Variants in CCDC172 observed in about 807,000 individuals in gnomAD.
The protein encoded by CCDC172 is coiled-coil domain-containing protein 172.
In CCDC172, 30 loss-of-function variants were observed where a neutral mutation model predicts 38.0. The ratio of observed to expected loss-of-function variants is 0.79; its 90% CI spans 0.59 to 1.07. The LOEUF is 1.07. Ranked by LOEUF, CCDC172 falls within the 50% of genes least tolerant of loss-of-function variation. CCDC172 has a pLI of 0.00. For synonymous variants in CCDC172, 78 were observed against 88.3 expected (o/e 0.88, Z 0.66); for missense variants, 297 against 290.1 (o/e 1.02, Z -0.17).
chr10:116,363,355 G>A (rs561273046), intron 7 of CCDC172, among the ~76,000 whole-genome samples: 1 of 152,170 alleles, frequency 6.6e-6, no homozygotes, highest in Non-Finnish European at 1.5e-5. Flanking sequence ...TGGACTGAAG[G>A]AAAGCAGAAT....
At chr10:116,331,875 T>C (rs1435129011) in intron 3 of CCDC172, among the ~76,000 whole-genome samples, 1 of 152,164 alleles carries the variant, frequency 6.6e-6, no homozygotes, top group Non-Finnish European at 1.5e-5. Flanking sequence ...GCTCAAGATT[T>C]CTGCACTGTA....
intron 7 of CCDC172, among the ~76,000 whole-genome samples, chr10:116,370,668 G>T (rs1308578390): frequency 1.3e-5 from 2 of 150,222 alleles, no homozygotes; most frequent in Non-Finnish European, 3.0e-5. Flanking sequence ...TCTTTCTCAG[G>T]GCTTTCCTAA....
At chr10:116,357,629 C>T (rs948658928) in intron 6 of CCDC172, 148 bp downstream of exon 6, 15 of 824,284 alleles carry the variant, frequency 1.8e-5, no homozygotes, top group East Asian at 3.1e-5. Context: ...CACTAATCAA[C>T]GTGAGATCTG....
At chr10:116,349,385 G>T (rs1159529720) in intron 5 of CCDC172, among the ~76,000 whole-genome samples, 2 of 152,164 alleles carry the variant, frequency 1.3e-5, no homozygotes, top group African/African-American at 2.4e-5. Context: ...GCCAAAAAAG[G>T]TTGGGGACTG....
At chr10:116,371,196 T>C (rs1845182273) in intron 7 of CCDC172, among the ~76,000 whole-genome samples, 4 of 151,842 alleles carry the variant, frequency 2.6e-5, no homozygotes, top group Admixed American at 2.6e-4. Flanking sequence ...ATTTTTTTTA[T>C]TGGGTAAAAA....
Position 116,342,126 on chromosome 10 carries a change from AG to A in CCDC172, c.374del (p.Arg125LysfsTer4), listed in dbSNP as rs763255969. 6.4e-7 allele frequency: 1 copy of A among 1,552,264 alleles called. No individual in the cohort carries two copies. Among genetic ancestry groups the A allele is most frequent in the Non-Finnish European group, 8.6e-7 (1 of 1,159,224 alleles). On this transcript the variant is annotated frameshift_variant, in exon 5 of 9. Coordinates refer to ENST00000333254, the MANE Select transcript of CCDC172 (RefSeq NM_198515.3). LOFTEE classifies it high-confidence loss of function. ...FNNDYEITKK[R>X]ELLMKENVKI... Reference sequence around the variant, plus strand: ...TAATGATTATGAAATAACAAAGAAAAGAGAGCTTTTGATGAAAGAAAATGTC... The same window carrying A: ...TAATGATTATGAAATAACAAAGAAAAAGAGCTTTTGATGAAAGAAAATGTC...
intron 3 of CCDC172, among the ~76,000 whole-genome samples, chr10:116,333,537 G>A (rs1226549508): frequency 6.6e-6 from 1 of 152,154 alleles, no homozygotes; most frequent in Non-Finnish European, 1.5e-5. Flanking sequence ...GCATCCCTTT[G>A]TTTTGTATCC....
chr10:116,349,602 A>C (rs2134936540), intron 5 of CCDC172, among the ~76,000 whole-genome samples: 1 of 152,300 alleles, frequency 6.6e-6, no homozygotes, highest in African/African-American at 2.4e-5. Context: ...CTTCCACTAA[A>C]GTATAAATTT....
chr10:116,366,639 G>A (rs1845126212), intron 7 of CCDC172, among the ~76,000 whole-genome samples: 1 of 152,200 alleles, frequency 6.6e-6, no homozygotes, highest in South Asian at 2.1e-4. Flanking sequence ...ATCACCAGCA[G>A]TGCTGCTGGT....
Position 116,340,789 on chromosome 10 carries a change from A to T in CCDC172, c.221A>T (p.Asn74Ile). The T allele has an allele frequency of 6.2e-7, 1 of 1,607,380 alleles. No homozygotes were observed. The highest frequency in any genetic ancestry group is 8.5e-7 in the Non-Finnish European group (1 of 1,176,114). Residue 74 changes from asparagine to isoleucine, a missense_variant, in exon 4 of 9, where the codon AAT (asparagine) becomes ATT (isoleucine). By Grantham distance (149) the Asn-to-Ile change is moderately radical. Coordinates refer to ENST00000333254, the MANE Select transcript of CCDC172 (RefSeq NM_198515.3). ...FFLQLLKAHE[N>I]ALEKQYSEIT... ...TTACAGCTTTTGAAAGCTCATGAAA[A>T]TGCTTTAGAAAAACAGTACAGTGAA...
intron 5 of CCDC172, among the ~76,000 whole-genome samples, chr10:116,357,172 T>C (rs775575985): frequency 1.3e-5 from 2 of 152,162 alleles, no homozygotes; most frequent in Non-Finnish European, 2.9e-5. Context: ...GGGGATTGCA[T>C]TGACTCTGTA....
At chr10:116,351,213 C>A (rs1051591304) in intron 5 of CCDC172, among the ~76,000 whole-genome samples, 3 of 151,912 alleles carry the variant, frequency 2.0e-5, no homozygotes, top group Non-Finnish European at 4.4e-5. Flanking sequence ...AATATTGTAT[C>A]TTTTTTAATC....
chr10:116,357,902 T>C lies in CCDC172; in HGVS notation c.617T>C (p.Ile206Thr). 1.3e-6 allele frequency: 2 copies of C among 1,581,488 alleles called. No homozygotes were observed. The highest frequency in any genetic ancestry group is 1.7e-6 in the Non-Finnish European group (2 of 1,164,450). ...TATCTAGAGGCAGAAAAAATAAAAA[T>C]CAGTGAAAAGCCTCAAAATGATACA... ...TKYLEAEKIKISEKPQNDTEC... is the reference protein window; with the variant it reads ...TKYLEAEKIKTSEKPQNDTEC... Residue 206 changes from isoleucine (I) to threonine (T), a missense_variant, in exon 7 of 9, where the codon ATC becomes ACC. Coordinates refer to ENST00000333254, the MANE Select transcript of CCDC172 (RefSeq NM_198515.3).
At chr10:116,350,439 GTT>G (rs1844916888) in intron 5 of CCDC172, among the ~76,000 whole-genome samples, 1 of 152,124 alleles carries the variant, frequency 6.6e-6, no homozygotes, top group Admixed American at 6.6e-5. Flanking sequence ...AGAAATAAGT[GTT>G]AAGGTTGACT....
intron 5 of CCDC172, among the ~76,000 whole-genome samples, chr10:116,350,688 T>C (rs1305559682): frequency 6.6e-6 from 1 of 152,146 alleles, no homozygotes; most frequent in Non-Finnish European, 1.5e-5. Flanking sequence ...ATGACACTTT[T>C]CTTTGCTTGG....
intron 3 of CCDC172, among the ~76,000 whole-genome samples, chr10:116,328,983 T>C (rs1309689927): frequency 6.6e-6 from 1 of 152,202 alleles, no homozygotes; most frequent in East Asian, 1.9e-4. Flanking sequence ...CAATTATTCA[T>C]TCAACAAACA....
intron 3 of CCDC172, among the ~76,000 whole-genome samples, chr10:116,326,122 G>A (rs2134897006): frequency 6.6e-6 from 1 of 152,296 alleles, no homozygotes; most frequent in African/African-American, 2.4e-5. Context: ...AGTGGGTTTA[G>A]GTAGCCTAGT....
chr10:116,352,387 GGAAATTTGGTCAATAGTAACATACCTA>G (rs1487284578), intron 5 of CCDC172, among the ~76,000 whole-genome samples: 1 of 152,048 alleles, frequency 6.6e-6, no homozygotes, highest in Non-Finnish European at 1.5e-5. Flanking sequence ...AGAGCAAGGA[GGAAATTTGGTCAATAGTAACATACCTA>G]GAAATGATAT....
At chr10:116,355,628 A>T (rs1844986600) in intron 5 of CCDC172, among the ~76,000 whole-genome samples, 1 of 152,228 alleles carries the variant, frequency 6.6e-6, no homozygotes, top group Admixed American at 6.5e-5. Flanking sequence ...GTGGAATTAT[A>T]TTCAGGCATC....
Sources: gnomAD v4.1 joint callset for allele counts (sites outside exome capture counted in the v4.1 genomes callset) on GRCh38, gnomAD v4.1.1 for gene constraint, MANE v1.5 for transcripts, NCBI Gene and HGNC (gene_info 2026-07-23, HGNC 2026-07-21) for gene names.